Variants in ASTN2 observed in about 807,000 individuals in gnomAD.
ASTN2 encodes astrotactin-2.
ASTN2 carries 54 observed loss-of-function variants against 139.8 expected under a neutral mutation model. That is an observed-to-expected ratio of 0.39 (90% CI 0.31 to 0.48). The LOEUF (loss-of-function observed/expected upper bound fraction) is 0.48, where lower values mean the gene tolerates loss of function less well. Ranked by LOEUF, ASTN2 falls within the 20% of genes least tolerant of loss-of-function variation. The pLI, the probability that ASTN2 is intolerant of heterozygous loss-of-function variation, is 0.95. For synonymous variants in ASTN2, 756 were observed against 719.5 expected, an observed-to-expected ratio of 1.05 and a Z score of -0.81; for missense variants, 1,565 against 1,725.1, an observed-to-expected ratio of 0.91 and a Z score of 1.64.
chr9:117,119,221 T>C (rs1659924326), intron 4 of ASTN2, among the ~76,000 whole-genome samples: 1 of 152,206 alleles, frequency 6.6e-6, no homozygotes, highest in Non-Finnish European at 1.5e-5. Context: ...TACATGCAGG[T>C]TTGAAAACAT....
chr9:116,768,946 T>C (rs1008173640), intron 13 of ASTN2, among the ~76,000 whole-genome samples: 1 of 152,234 alleles, frequency 6.6e-6, no homozygotes, highest in Non-Finnish European at 1.5e-5. Context: ...TGGGTAAGTT[T>C]GGGACTCAAC....
chr9:116,685,058 T>C (rs1462088919), intron 16 of ASTN2, among the ~76,000 whole-genome samples: 1 of 152,166 alleles, frequency 6.6e-6, no homozygotes, highest in Non-Finnish European at 1.5e-5. Flanking sequence ...AGATTAGAAA[T>C]TGCGGTTTAG....
rs369612819 is a variant in ASTN2, at chr9:116,867,454, G to A, written c.1890-3721C>T. 9.9e-5 allele frequency among the ~76,000 whole-genome samples: 15 copies of A among 150,940 alleles called. 1 individual carries two copies. The highest frequency in any genetic ancestry group is 3.6e-4 in the African/African-American group (15 of 41,108). On this transcript the variant is annotated intron_variant, in intron 10 of 22. Transcript: ENST00000313400. ...AGTCCCAGCTACTTGGGAGGCTGAG[G>A]CAGGATAATGGCGTGAACCCGGGAG... is the stretch of plus-strand genomic sequence containing the variant.
chr9:117,384,512 A>T (rs1830349093), intron 1 of ASTN2, among the ~76,000 whole-genome samples: 2 of 152,174 alleles, frequency 1.3e-5, no homozygotes, highest in South Asian at 4.1e-4. Context: ...TTCTGTGAAA[A>T]GAAGTTAAAC....
intron 10 of ASTN2, among the ~76,000 whole-genome samples, chr9:116,960,867 C>T (rs986891274): frequency 6.6e-6 from 1 of 152,174 alleles, no homozygotes; most frequent in African/African-American, 2.4e-5. Context: ...CAGACACCTG[C>T]ACAGCTGACT....
intron 13 of ASTN2, among the ~76,000 whole-genome samples, chr9:116,802,760 A>G (rs1830896811): frequency 6.6e-6 from 1 of 152,336 alleles, no homozygotes; most frequent in South Asian, 2.1e-4. Context: ...CAGTAGAATT[A>G]TGCTTCTCAT....
intron 19 of ASTN2, among the ~76,000 whole-genome samples, chr9:116,526,995 T>G (rs1118059): frequency 0.92 from 140,816 of 152,284 alleles, 65,162 homozygotes; most frequent in Admixed American, 0.94. Flanking sequence ...ATATTGACAT[T>G]CAGAAGAATA....
intron 19 of ASTN2, among the ~76,000 whole-genome samples, chr9:116,513,844 G>A (rs1306932072): frequency 2.6e-5 from 4 of 151,966 alleles, no homozygotes; most frequent in African/African-American, 7.2e-5. Flanking sequence ...ATGGTTTTCA[G>A]CTCCATCAGG....
intron 13 of ASTN2, among the ~76,000 whole-genome samples, chr9:116,781,832 AAAG>A (rs1208581766): frequency 1.3e-5 from 2 of 152,088 alleles, no homozygotes; most frequent in Non-Finnish European, 1.5e-5. Context: ...ATATTGTTGA[AAAG>A]AAGAAAGGAA....
intron 16 of ASTN2, among the ~76,000 whole-genome samples, chr9:116,676,632 A>C (rs1090026): frequency 0.57 from 86,314 of 152,040 alleles, 25,068 homozygotes; most frequent in East Asian, 0.87. Flanking sequence ...TTAGCCATAA[A>C]AATTTTTTTT....
intron 16 of ASTN2, among the ~76,000 whole-genome samples, chr9:116,656,829 C>T (rs2131944338): frequency 6.6e-6 from 1 of 152,270 alleles, no homozygotes; most frequent in Admixed American, 6.5e-5. Context: ...TCTGGGAGAG[C>T]CAAAGCTGCA....
intron 16 of ASTN2, among the ~76,000 whole-genome samples, chr9:116,705,938 G>T (rs1202341936): frequency 6.6e-6 from 1 of 152,108 alleles, no homozygotes; most frequent in Non-Finnish European, 1.5e-5. Flanking sequence ...GGACATTAAA[G>T]AAATTCAAAG....
chr9:116,552,132 G>C lies in ASTN2; in HGVS notation c.3356-64632C>G, dbSNP rs151011014. On this transcript the variant is annotated intron_variant, in intron 19 of 22. Coordinates refer to ENST00000313400, the MANE Select transcript of ASTN2 (RefSeq NM_001365068.1). ...TAGTAGCTCACAGAGACCAAAGTTG[G>C]CACACAGCACTCTCCTAACACTAAA... The C allele has an allele frequency of 3.5e-3, 540 of 152,192 alleles. 5 individuals carry two copies. The highest frequency in any genetic ancestry group is 0.012 in the African/African-American group (514 of 41,518). 9.4% of individuals were successfully genotyped at this position (152,192 alleles called of 1,614,324 possible). A position where few individuals can be genotyped will look rare whatever the true frequency, so the allele number is the denominator to read the frequency against.
At chr9:116,545,758 C>T (rs894058807) in intron 19 of ASTN2, 1 of 152,142 alleles carries the variant, frequency 6.6e-6, no homozygotes, top group Non-Finnish European at 1.5e-5. Context: ...GGGTACAAGC[C>T]AGGCACTGAG....
At chr9:117,209,001 A>G (rs1280269045) in intron 3 of ASTN2, among the ~76,000 whole-genome samples, 1 of 152,226 alleles carries the variant, frequency 6.6e-6, no homozygotes, top group African/African-American at 2.4e-5. Flanking sequence ...AAGTGAAAAG[A>G]TAACAACTAT....
intron 4 of ASTN2, among the ~76,000 whole-genome samples, chr9:117,128,918 C>T (rs529618076): frequency 6.6e-6 from 1 of 152,334 alleles, no homozygotes; most frequent in South Asian, 2.1e-4. Context: ...TATCAGATCT[C>T]ATGAGACTTA....
chr9:116,756,671 A>G (rs1179271570), intron 13 of ASTN2, among the ~76,000 whole-genome samples: 2 of 152,024 alleles, frequency 1.3e-5, no homozygotes, highest in African/African-American at 4.8e-5. Context: ...GCCTTCTTCT[A>G]TCAGCAGCTG....
chr9:117,111,195 A>G (rs937213945), intron 4 of ASTN2, among the ~76,000 whole-genome samples: 1 of 152,234 alleles, frequency 6.6e-6, no homozygotes, highest in Non-Finnish European at 1.5e-5. Context: ...TACTCAACAT[A>G]TGGTAAACCA....
intron 19 of ASTN2, chr9:116,584,418 A>G (rs1854069999): frequency 6.6e-6 from 1 of 152,214 alleles, no homozygotes; most frequent in African/African-American, 2.4e-5. Context: ...AAATTCCAAG[A>G]GAAAAGTGCT....
Sources: gnomAD v4.1 joint callset for allele counts (sites outside exome capture counted in the v4.1 genomes callset) on GRCh38, gnomAD v4.1.1 for gene constraint, MANE v1.5 for transcripts, NCBI Gene and HGNC (gene_info 2026-07-23, HGNC 2026-07-21) for gene names.